COX7B2: variants seen among roughly 807,000 people sequenced by gnomAD.
COX7B2 encodes the protein cytochrome c oxidase subunit 7B2, mitochondrial.
For synonymous variants in COX7B2, 37 were observed against 32.1 expected (o/e 1.15, Z -0.51); for missense variants, 109 against 95.9 (o/e 1.14, Z -0.57).
At chr4:46,804,147 T>C (rs62305182) in intron 2 of COX7B2, among the ~76,000 whole-genome samples, 110 of 152,154 alleles carry the variant, frequency 7.2e-4, no homozygotes, top group Non-Finnish European at 1.3e-3. Flanking sequence ...TCTGGAGTTG[T>C]TGTTCCTCGC....
At chr4:46,806,912 C>T (rs1719027475) in intron 2 of COX7B2, among the ~76,000 whole-genome samples, 1 of 152,030 alleles carries the variant, frequency 6.6e-6, no homozygotes, top group Non-Finnish European at 1.5e-5. Flanking sequence ...TTTATCCATT[C>T]ATCCAGCTAT....
chr4:46,738,280 T>C (rs1308117697), intron 2 of COX7B2, among the ~76,000 whole-genome samples: 4 of 152,148 alleles, frequency 2.6e-5, no homozygotes, highest in Admixed American at 6.6e-5. Flanking sequence ...CCTTTGTCTC[T>C]AGTGACATTG....
At chr4:46,787,371 C>T (rs1401983528) in intron 2 of COX7B2, among the ~76,000 whole-genome samples, 1 of 151,908 alleles carries the variant, frequency 6.6e-6, no homozygotes, top group East Asian at 2.0e-4. Flanking sequence ...CGCTTGAACC[C>T]GGGAGGCAGA....
intron 2 of COX7B2, among the ~76,000 whole-genome samples, chr4:46,786,501 G>C (rs539578756): frequency 2.1e-4 from 32 of 152,024 alleles, no homozygotes; most frequent in Admixed American, 1.0e-3. Flanking sequence ...AAATTCTCTG[G>C]GTGCATTACA....
At chr4:46,805,390 A>T (rs990738864) in intron 2 of COX7B2, among the ~76,000 whole-genome samples, 5 of 152,248 alleles carry the variant, frequency 3.3e-5, no homozygotes, top group Admixed American at 2.0e-4. Flanking sequence ...CATGTTAAGT[A>T]AGTAATATAC....
rs536298940 is a variant in COX7B2 at position 46,829,979 on chromosome 4, T to C, written c.-50+14981A>G. Reference sequence around the variant, plus strand: ...AAACGGAGAAATTGGTTGTAAGTTATGGCAACTCTCAAATTAGAGATAACA... The same window carrying C: ...AAACGGAGAAATTGGTTGTAAGTTACGGCAACTCTCAAATTAGAGATAACA... On this transcript the variant is annotated intron_variant, in intron 2 of 2. Coordinates refer to ENST00000355591, the MANE Select transcript of COX7B2 (RefSeq NM_130902.3). Among the ~76,000 whole-genome samples, 27 of 152,272 alleles carry C rather than the reference T, an allele frequency of 1.8e-4. No individual in the cohort carries two copies. In the South Asian group the frequency reaches 4.8e-3, roughly 27 times the overall value.
chr4:46,738,996 A>G (rs1330259450), intron 2 of COX7B2, among the ~76,000 whole-genome samples: 3 of 152,112 alleles, frequency 2.0e-5, no homozygotes, highest in Admixed American at 2.0e-4. Flanking sequence ...ATCTCAGTCT[A>G]ACTACAATAA....
chr4:46,851,525 AAC>A (rs771609124), intron 1 of COX7B2, among the ~76,000 whole-genome samples: 1 of 152,098 alleles, frequency 6.6e-6, no homozygotes, highest in South Asian at 2.1e-4. Flanking sequence ...ACAGGAAATT[AAC>A]AGTGATACAA....
chr4:46,906,042 G>A (rs536887870), intron 1 of COX7B2, among the ~76,000 whole-genome samples: 115 of 151,352 alleles, frequency 7.6e-4, no homozygotes, highest in African/African-American at 2.6e-3. Flanking sequence ...TGTTAGCCAG[G>A]ATGGTCTCGA....
chr4:46,879,403 G>A (rs1718563818), intron 1 of COX7B2, among the ~76,000 whole-genome samples: 1 of 151,568 alleles, frequency 6.6e-6, no homozygotes, highest in African/African-American at 2.4e-5. Flanking sequence ...CTGCCCTGCT[G>A]ATTTTTTAAA....
Position 46,794,907 on chromosome 4 carries a change from G to C in COX7B2, c.-50+50053C>G, listed in dbSNP as rs1718242156. Reference sequence around the variant, plus strand: ...CAAGTGAACAAAACTTTAACCTGAAGCATAAAAACAGAAAGTAACAGCCCC... The same window carrying C: ...CAAGTGAACAAAACTTTAACCTGAACCATAAAAACAGAAAGTAACAGCCCC... On this transcript the variant is annotated intron_variant, in intron 2 of 2. Transcript: ENST00000355591. Among the ~76,000 whole-genome samples the C allele has an allele frequency of 2.6e-5, 4 of 152,162 alleles. No homozygotes were observed. The South Asian group carries it at 8.3e-4, about 31-fold the overall frequency.
intron 1 of COX7B2, among the ~76,000 whole-genome samples, chr4:46,876,294 G>C (rs965505511): frequency 2.0e-5 from 3 of 151,922 alleles, no homozygotes; most frequent in African/African-American, 4.8e-5. Context: ...TAAAACTGTA[G>C]GTTAAATATA....
At chr4:46,906,561 A>T (rs1280364828) in intron 1 of COX7B2, among the ~76,000 whole-genome samples, 1 of 152,208 alleles carries the variant, frequency 6.6e-6, no homozygotes, top group African/African-American at 2.4e-5. Flanking sequence ...TCTCCAACAC[A>T]CATAGCATTA....
intron 1 of COX7B2, among the ~76,000 whole-genome samples, chr4:46,847,018 T>C (rs1465233035): frequency 6.6e-6 from 1 of 152,002 alleles, no homozygotes; most frequent in Non-Finnish European, 1.5e-5. Flanking sequence ...AACTATGCAG[T>C]TGGCTATACT....
intron 1 of COX7B2, among the ~76,000 whole-genome samples, chr4:46,889,353 G>T (rs935880694): frequency 2.0e-5 from 3 of 152,202 alleles, no homozygotes; most frequent in African/African-American, 7.2e-5. Context: ...TCACAAAGTA[G>T]TCTTAACATT....
chr4:46,799,895 A>G (rs904860766), intron 2 of COX7B2, among the ~76,000 whole-genome samples: 15 of 152,160 alleles, frequency 9.9e-5, no homozygotes, highest in Admixed American at 9.2e-4. Flanking sequence ...CTTATCCTCA[A>G]TTTTTGGAAT....
chr4:46,825,131 C>T (rs1714596396), intron 2 of COX7B2, among the ~76,000 whole-genome samples: 1 of 151,738 alleles, frequency 6.6e-6, no homozygotes, highest in Admixed American at 6.6e-5. Flanking sequence ...ATCTAAAAAC[C>T]CCCCAGTCTT....
chr4:46,826,644 A>G (rs941681039), intron 2 of COX7B2, among the ~76,000 whole-genome samples: 3 of 152,210 alleles, frequency 2.0e-5, no homozygotes, highest in African/African-American at 7.2e-5. Context: ...GATAAAGAAA[A>G]TGTGGTACAT....
At position 46,738,862 on chromosome 4, in the gene COX7B2, A is replaced by C. The variant is rs183914186; in HGVS notation, c.-49-3621T>G. 2.0e-5 allele frequency among the ~76,000 whole-genome samples: 3 copies of C among 152,226 alleles called. No individual in the cohort carries two copies. The East Asian group carries it at 5.8e-4, about 29-fold the overall frequency. ...TCATGCCCATGGCAGTAAAAGAAAT[A>C]TGTTCTGAATAAATATAAATGGTTA... On this transcript the variant is annotated intron_variant, in intron 2 of 2. Coordinates refer to ENST00000355591, the MANE Select transcript of COX7B2 (RefSeq NM_130902.3).
Sources: allele counts gnomAD v4.1 joint callset (sites outside exome capture counted in the v4.1 genomes callset), GRCh38; gene constraint gnomAD v4.1.1; transcripts MANE v1.5; gene names NCBI Gene and HGNC (gene_info 2026-07-23, HGNC 2026-07-21).